Variants in TPST1 observed in about 807,000 individuals in gnomAD.
TPST1 encodes protein-tyrosine sulfotransferase 1.
A neutral mutation model predicts 34.8 loss-of-function variants in TPST1; 20 were observed. The ratio of observed to expected loss-of-function variants is 0.57; its 90% confidence interval spans 0.40 to 0.84. TPST1 has a LOEUF of 0.84. Ranked by LOEUF, TPST1 falls within the 40% of genes least tolerant of loss-of-function variation. The probability of loss-of-function intolerance (pLI) is 0.00; values close to 1 mark genes in which losing one functional copy is unlikely to be tolerated. For missense variants in TPST1, 353 were observed against 455.5 expected (o/e 0.78, Z 2.05); for synonymous variants, 152 against 159.4 (o/e 0.95, Z 0.35).
At chr7:66,322,240 G>A (rs1192400633) in intron 3 of TPST1, among the ~76,000 whole-genome samples, 1 of 151,976 alleles carries the variant, frequency 6.6e-6, no homozygotes, top group Non-Finnish European at 1.5e-5. Context: ...TCTTTTCATT[G>A]TGGTAAGAAA....
At chr7:66,231,011 G>T (rs1789775456) in intron 1 of TPST1, among the ~76,000 whole-genome samples, 1 of 152,142 alleles carries the variant, frequency 6.6e-6, no homozygotes, top group East Asian at 1.9e-4. Flanking sequence ...TAGACACAGG[G>T]TGCTGATTGG....
intron 2 of TPST1, among the ~76,000 whole-genome samples, chr7:66,274,139 T>C (rs6460285): frequency 0.9 from 136,049 of 151,650 alleles, 61,182 homozygotes; most frequent in African/African-American, 0.94. Flanking sequence ...GAGGCCGAGG[T>C]GGGTGGATCA....
intron 3 of TPST1, among the ~76,000 whole-genome samples, chr7:66,323,217 T>A (rs1259573854): frequency 6.6e-6 from 1 of 152,222 alleles, no homozygotes; most frequent in Non-Finnish European, 1.5e-5. Context: ...TTTAACTTTA[T>A]TTTGATTCTT....
At chr7:66,213,583 G>T (rs758263127) in intron 1 of TPST1, among the ~76,000 whole-genome samples, 1 of 151,970 alleles carries the variant, frequency 6.6e-6, no homozygotes, top group African/African-American at 2.4e-5. Flanking sequence ...GTGAAACCTC[G>T]TCTCTACTAA....
At chr7:66,264,139 G>A (rs923432225) in intron 2 of TPST1, among the ~76,000 whole-genome samples, 1 of 152,182 alleles carries the variant, frequency 6.6e-6, no homozygotes, top group Non-Finnish European at 1.5e-5. Flanking sequence ...ACTCAGAACT[G>A]CCCTACTTCT....
chr7:66,199,572 T>G, the TPST1 span, among the ~76,000 whole-genome samples: 136,243 of 151,932 alleles, frequency 0.9, 61,266 homozygotes, highest in African/African-American at 0.94. Flanking sequence ...GGGATTACAG[T>G]CGTGAGCCAC....
chr7:66,342,171 A>G (rs1214815819), intron 3 of TPST1, among the ~76,000 whole-genome samples: 1 of 152,216 alleles, frequency 6.6e-6, no homozygotes, highest in Non-Finnish European at 1.5e-5. Context: ...CCACAGTACC[A>G]TGAAACTGTA....
intron 4 of TPST1, chr7:66,352,971 A>C: frequency 3.0e-6 from 3 of 985,360 alleles, no homozygotes; most frequent in Non-Finnish European, 3.6e-6. Context: ...TGGAGCCCAG[A>C]TGACTTATAT....
intron 2 of TPST1, among the ~76,000 whole-genome samples, chr7:66,246,648 A>C (rs757583261): frequency 7.9e-5 from 12 of 152,228 alleles, no homozygotes; most frequent in Non-Finnish European, 1.5e-4. Context: ...AAAATAACAA[A>C]GATTTCCAAA....
chr7:66,268,978 C>T (rs1790645653), intron 2 of TPST1, among the ~76,000 whole-genome samples: 2 of 152,080 alleles, frequency 1.3e-5, no homozygotes, highest in African/African-American at 4.8e-5. Flanking sequence ...GCCACCACGC[C>T]CGGCCTATAA....
intron 2 of TPST1, among the ~76,000 whole-genome samples, chr7:66,285,839 C>G (rs1259019654): frequency 6.6e-6 from 1 of 152,082 alleles, no homozygotes; most frequent in Non-Finnish European, 1.5e-5. Context: ...AGAGGTAGAA[C>G]ACATTTATTC....
intron 3 of TPST1, among the ~76,000 whole-genome samples, chr7:66,292,587 A>C (rs1791104634): frequency 9.7e-6 from 1 of 103,024 alleles, no homozygotes; most frequent in Non-Finnish European, 2.0e-5. Context: ...CCAGTCTGAA[A>C]AGCGCAATAT....
At chr7:66,341,310 G>T (rs1429941070) in intron 3 of TPST1, among the ~76,000 whole-genome samples, 1 of 151,972 alleles carries the variant, frequency 6.6e-6, no homozygotes, top group Non-Finnish European at 1.5e-5. Flanking sequence ...ACAGAGTCTC[G>T]CTCTGTTGCC....
intron 1 of TPST1, among the ~76,000 whole-genome samples, chr7:66,225,777 T>C (rs541459503): frequency 6.6e-6 from 1 of 152,372 alleles, no homozygotes; most frequent in East Asian, 1.9e-4. Flanking sequence ...CTACCTTTTT[T>C]TAGAATTTGA....
intron 1 of TPST1, among the ~76,000 whole-genome samples, chr7:66,231,359 G>A (rs912863934): frequency 1.3e-5 from 2 of 152,250 alleles, no homozygotes; most frequent in Non-Finnish European, 2.9e-5. Flanking sequence ...CTGTGCGCTC[G>A]CACTCCGCAG....
chr7:66,273,970 T>G (rs1421675144), intron 2 of TPST1, among the ~76,000 whole-genome samples: 1 of 152,000 alleles, frequency 6.6e-6, no homozygotes, highest in Non-Finnish European at 1.5e-5. Flanking sequence ...GCCCAACTAA[T>G]TTTTGTTGTT....
At chr7:66,203,038 C>G (rs35751092), upstream of TPST1, among the ~76,000 whole-genome samples, 467 of 152,154 alleles carry the variant, frequency 3.1e-3, 2 homozygotes, top group Admixed American at 6.5e-3. Flanking sequence ...GTCATACATA[C>G]CATTGCACTC....
At chr7:66,344,107 A>G (rs1003785884) in intron 3 of TPST1, among the ~76,000 whole-genome samples, 1 of 152,136 alleles carries the variant, frequency 6.6e-6, no homozygotes, top group Non-Finnish European at 1.5e-5. Flanking sequence ...AGAATAAATG[A>G]CAGAACATGG....
chr7:66,284,494 C>CAT (rs1200825469), intron 2 of TPST1, among the ~76,000 whole-genome samples: 1 of 150,552 alleles, frequency 6.6e-6, no homozygotes, highest in Non-Finnish European at 1.5e-5. Context: ...ATTAATTAAT[C>CAT]ATAGACTCCT....
Sources: gnomAD v4.1 joint callset for allele counts (sites outside exome capture counted in the v4.1 genomes callset) on GRCh38, gnomAD v4.1.1 for gene constraint, MANE v1.5 for transcripts, NCBI Gene and HGNC (gene_info 2026-07-23, HGNC 2026-07-21) for gene names.